SLCO5A1: variants seen among roughly 807,000 people sequenced by gnomAD.
SLCO5A1 encodes solute carrier organic anion transporter family member 5A1.
A neutral mutation model predicts 65.1 loss-of-function variants in SLCO5A1; 39 were observed. That is an observed-to-expected ratio of 0.60 (90% CI 0.46 to 0.78). The LOEUF is 0.78. SLCO5A1 is among the 30% of genes least tolerant of loss of function. The probability of loss-of-function intolerance (pLI) is 0.00; values close to 1 mark genes in which losing one functional copy is unlikely to be tolerated. For synonymous variants in SLCO5A1, 438 were observed against 415.7 expected (o/e 1.05, Z -0.65); for missense variants, 1,029 against 1,069.4 (o/e 0.96, Z 0.53).
At chr8:69,732,863 T>G (rs1353031453) in intron 5 of SLCO5A1, among the ~76,000 whole-genome samples, 3 of 151,810 alleles carry the variant, frequency 2.0e-5, no homozygotes, top group Admixed American at 2.0e-4. Flanking sequence ...CACTCCAGCC[T>G]GGCGACAGAG....
chr8:69,782,229 TAATA>T (rs201935282), intron 2 of SLCO5A1, among the ~76,000 whole-genome samples: 2,895 of 151,828 alleles, frequency 0.019, 42 homozygotes, highest in Admixed American at 0.026. Context: ...ACTTAAAGTA[TAATA>T]AATAAATAAA....
chr8:69,785,038 A>AAGAG (rs746476627), intron 2 of SLCO5A1, among the ~76,000 whole-genome samples: 1 of 148,830 alleles, frequency 6.7e-6, no homozygotes, highest in South Asian at 2.2e-4. Context: ...AGGAAGGGGA[A>AAGAG]AGAGAGAGAG....
intron 5 of SLCO5A1, among the ~76,000 whole-genome samples, chr8:69,721,169 A>G (rs908197678): frequency 9.8e-6 from 1 of 102,236 alleles, no homozygotes; most frequent in African/African-American, 3.4e-5. Context: ...TGAAATGCAG[A>G]CATAATAACT....
At chr8:69,735,509 G>A (rs1563691149) in intron 5 of SLCO5A1, among the ~76,000 whole-genome samples, 2 of 152,184 alleles carry the variant, frequency 1.3e-5, no homozygotes, top group East Asian at 3.8e-4. Context: ...ACAAAATCAT[G>A]TCATATGCAG....
At chr8:69,764,457 A>G (rs1817958743) in intron 2 of SLCO5A1, among the ~76,000 whole-genome samples, 1 of 152,168 alleles carries the variant, frequency 6.6e-6, no homozygotes, top group Non-Finnish European at 1.5e-5. Flanking sequence ...ATTTCAAAAG[A>G]GAAAGCACAG....
At chr8:69,772,840 G>T (rs192331808) in intron 2 of SLCO5A1, 46 of 712,256 alleles carry the variant, frequency 6.5e-5, no homozygotes, top group Non-Finnish European at 6.9e-6. Context: ...GTGATGCAAG[G>T]CACTGGGACA....
intron 5 of SLCO5A1, among the ~76,000 whole-genome samples, chr8:69,716,222 A>G (rs945863719): frequency 1.3e-5 from 2 of 152,134 alleles, no homozygotes; most frequent in African/African-American, 2.4e-5. Context: ...ATATTTACCC[A>G]TGCATTGGTG....
chr8:69,796,016 G>A (rs139160659), intron 2 of SLCO5A1, among the ~76,000 whole-genome samples: 2 of 152,310 alleles, frequency 1.3e-5, no homozygotes, highest in Non-Finnish European at 2.9e-5. Context: ...CAGCCGGGAT[G>A]TGGAAAGCAG....
chr8:69,699,771 G>C (rs189920953), intron 6 of SLCO5A1, among the ~76,000 whole-genome samples: 5 of 152,322 alleles, frequency 3.3e-5, no homozygotes, highest in Admixed American at 2.6e-4. Context: ...CACTCATAAA[G>C]CAAGATGGTT....
intron 2 of SLCO5A1, among the ~76,000 whole-genome samples, chr8:69,828,162 A>T (rs1198281707): frequency 6.6e-6 from 1 of 152,164 alleles, no homozygotes; most frequent in Non-Finnish European, 1.5e-5. Context: ...TATATCTAAG[A>T]TTTCTGATAC....
chr8:69,729,446 CAAAAAAAAAAA>C (rs56392223), intron 5 of SLCO5A1, among the ~76,000 whole-genome samples: 4 of 80,486 alleles, frequency 5.0e-5, no homozygotes, highest in East Asian at 7.9e-4. Context: ...TCCGTCCCAA[CAAAAAAAAAAA>C]AAAAAAAAAA....
At chr8:69,721,049 C>T (rs1391835151) in intron 5 of SLCO5A1, among the ~76,000 whole-genome samples, 1 of 152,222 alleles carries the variant, frequency 6.6e-6, no homozygotes, top group African/African-American at 2.4e-5. Context: ...ACTACATTTC[C>T]CAGCCTCCCT....
At chr8:69,781,426 G>C (rs1818788230) in intron 2 of SLCO5A1, among the ~76,000 whole-genome samples, 1 of 152,114 alleles carries the variant, frequency 6.6e-6, no homozygotes, top group Non-Finnish European at 1.5e-5. Context: ...TTTAAGTAAG[G>C]CTGCCTGCAC....
intron 4 of SLCO5A1, among the ~76,000 whole-genome samples, chr8:69,752,210 G>A (rs2130856089): frequency 6.6e-6 from 1 of 152,192 alleles, no homozygotes; most frequent in Admixed American, 6.5e-5. Context: ...CAGCCTGGGT[G>A]ACAGAGAGAG....
chr8:69,781,170 G>A (rs1047084711), intron 2 of SLCO5A1, among the ~76,000 whole-genome samples: 1 of 152,234 alleles, frequency 6.6e-6, no homozygotes, highest in Admixed American at 6.5e-5. Flanking sequence ...AGGTCAACAG[G>A]CATCTGTGTG....
intron 6 of SLCO5A1, among the ~76,000 whole-genome samples, chr8:69,683,987 G>T (rs904123498): frequency 6.6e-6 from 1 of 152,124 alleles, no homozygotes; most frequent in African/African-American, 2.4e-5. Context: ...CTTTGATAAT[G>T]AGTCCTTAAA....
At chr8:69,817,219 C>G (rs1050922621) in intron 2 of SLCO5A1, among the ~76,000 whole-genome samples, 29 of 152,148 alleles carry the variant, frequency 1.9e-4, no homozygotes, top group Admixed American at 2.0e-4. Flanking sequence ...ATGAATTTGA[C>G]TCTCATATAA....
chr8:69,824,695 G>A (rs1820793785), intron 2 of SLCO5A1, among the ~76,000 whole-genome samples: 1 of 152,056 alleles, frequency 6.6e-6, no homozygotes, highest in African/African-American at 2.4e-5. Flanking sequence ...TTCTACCAGA[G>A]GTACAAGGAG....
chr8:69,800,857 G>GAT (rs1398665082), intron 2 of SLCO5A1, among the ~76,000 whole-genome samples: 1 of 152,152 alleles, frequency 6.6e-6, no homozygotes, highest in Non-Finnish European at 1.5e-5. Context: ...TTCCAGCCTG[G>GAT]ATATATACCT....
Sources: allele counts gnomAD v4.1 joint callset (sites outside exome capture counted in the v4.1 genomes callset), GRCh38; gene constraint gnomAD v4.1.1; transcripts MANE v1.5; gene names NCBI Gene and HGNC (gene_info 2026-07-23, HGNC 2026-07-21).